The following MRPS28 variants were observed in gnomAD, a reference collection of about 807,000 sequenced individuals.
The protein encoded by MRPS28 is small ribosomal subunit protein bS1m.
MRPS28 carries 7 observed loss-of-function variants against 10.8 expected under a neutral mutation model. The ratio of observed to expected loss-of-function variants is 0.65; its 90% CI spans 0.37 to 1.22. MRPS28 has a LOEUF of 1.22. Among genes scored for constraint, MRPS28 ranks in the 50% most tolerant of loss-of-function variants. The pLI, the probability that MRPS28 is intolerant of heterozygous loss-of-function variation, is 0.02. For synonymous variants in MRPS28, 121 were observed against 93.3 expected (o/e 1.30, Z -1.71); for missense variants, 265 against 232.9 (o/e 1.14, Z -0.90).
intron 1 of MRPS28, among the ~76,000 whole-genome samples, chr8:80,003,999 T>G (rs1808747217): frequency 6.6e-6 from 1 of 152,154 alleles, no homozygotes; most frequent in Admixed American, 6.5e-5. Context: ...AAGCTCCAAC[T>G]GGGTGGAGCC....
At chr8:80,015,791 GA>G (rs952736175) in intron 1 of MRPS28, among the ~76,000 whole-genome samples, 38 of 152,282 alleles carry the variant, frequency 2.5e-4, no homozygotes, top group African/African-American at 7.9e-4. Flanking sequence ...TCTAACGGAA[GA>G]AATAAGATGT....
intron 2 of MRPS28, among the ~76,000 whole-genome samples, chr8:80,000,855 T>C (rs1033031565): frequency 5.3e-5 from 8 of 152,192 alleles, no homozygotes; most frequent in African/African-American, 1.9e-4. Flanking sequence ...ATTCTAGATC[T>C]CTAAGGCATT....
intron 1 of MRPS28, among the ~76,000 whole-genome samples, chr8:80,015,460 G>A (rs890581288): frequency 2.0e-5 from 3 of 152,142 alleles, no homozygotes; most frequent in African/African-American, 7.2e-5. Context: ...CCAAAAGAGA[G>A]GGAAACACTG....
intron 2 of MRPS28, among the ~76,000 whole-genome samples, chr8:79,935,548 TGTAA>T (rs1172048314): frequency 6.6e-6 from 1 of 152,298 alleles, no homozygotes; most frequent in Non-Finnish European, 1.5e-5. Context: ...TCAGATTTCA[TGTAA>T]GCTTAGATCT....
intron 2 of MRPS28, among the ~76,000 whole-genome samples, chr8:79,970,704 C>G (rs1807610121): frequency 6.6e-6 from 1 of 152,186 alleles, no homozygotes; most frequent in African/African-American, 2.4e-5. Flanking sequence ...GAACAACCTA[C>G]AGTGGGTGGC....
intron 2 of MRPS28, among the ~76,000 whole-genome samples, chr8:79,964,126 A>G (rs955788069): frequency 6.6e-6 from 1 of 152,122 alleles, no homozygotes; most frequent in African/African-American, 2.4e-5. Context: ...AGGGAACTTA[A>G]GTAATGTAGG....
chr8:79,979,915 C>CAAAAAAAAA lies in MRPS28; in HGVS notation c.395+23075_395+23083dup, dbSNP rs61633169. Among the ~76,000 whole-genome samples, 5 of 31,358 alleles carry CAAAAAAAAA rather than the reference C, an allele frequency of 1.6e-4. 1 individual carries two copies. The highest frequency in any genetic ancestry group is 2.5e-4 in the Non-Finnish European group (4 of 16,140). The allele number at this position is 31,358 out of a possible 152,430, so 20.6% of individuals were successfully genotyped here. A position where few individuals can be genotyped will look rare whatever the true frequency, so the allele number is the denominator to read the frequency against. ...GCCACTAACATTCAGGATTCTCACG[C>CAAAAAAAAA]AAAAAAAAAAAAAAAAAAAAAAAAA... On this transcript the variant is annotated intron_variant, in intron 2 of 2. Transcript: ENST00000276585.
At chr8:80,026,999 T>C (rs1398281700) in intron 1 of MRPS28, among the ~76,000 whole-genome samples, 1 of 152,214 alleles carries the variant, frequency 6.6e-6, no homozygotes, top group Non-Finnish European at 1.5e-5. Context: ...CCTCCTGTGC[T>C]GACACACACA....
At chr8:79,931,073 T>C (rs1563519097) in intron 2 of MRPS28, among the ~76,000 whole-genome samples, 1 of 152,176 alleles carries the variant, frequency 6.6e-6, no homozygotes, top group Admixed American at 6.5e-5. Context: ...TTCAAAAAAA[T>C]AGTGTTAGGC....
At chr8:80,000,752 T>C (rs1045404788) in intron 2 of MRPS28, among the ~76,000 whole-genome samples, 2 of 152,156 alleles carry the variant, frequency 1.3e-5, no homozygotes, top group Non-Finnish European at 2.9e-5. Flanking sequence ...AAGCCAAGCA[T>C]GGTGGTACAT....
chr8:79,920,705 T>C (rs1236002694), intron 2 of MRPS28, among the ~76,000 whole-genome samples: 1 of 152,068 alleles, frequency 6.6e-6, no homozygotes, highest in Non-Finnish European at 1.5e-5. Context: ...GTCAGAGGAG[T>C]AGATTGCAAA....
intron 2 of MRPS28, among the ~76,000 whole-genome samples, chr8:80,002,010 G>C (rs1808671127): frequency 6.6e-6 from 1 of 151,852 alleles, no homozygotes; most frequent in South Asian, 2.1e-4. Flanking sequence ...TTAATCTGAG[G>C]AAATGTGTAT....
chr8:79,972,705 G>A (rs1354747969), intron 2 of MRPS28, among the ~76,000 whole-genome samples: 3 of 152,094 alleles, frequency 2.0e-5, no homozygotes, highest in Admixed American at 6.6e-5. Flanking sequence ...ATTGACACAC[G>A]TTTTTTAAAA....
At chr8:80,007,082 T>C (rs906774151) in intron 1 of MRPS28, among the ~76,000 whole-genome samples, 3 of 152,190 alleles carry the variant, frequency 2.0e-5, no homozygotes, top group African/African-American at 7.2e-5. Context: ...CATGATCAAG[T>C]AGGCTTCATT....
At chr8:80,016,750 A>G (rs1300400472) in intron 1 of MRPS28, among the ~76,000 whole-genome samples, 4 of 152,242 alleles carry the variant, frequency 2.6e-5, no homozygotes, top group Non-Finnish European at 5.9e-5. Flanking sequence ...AATTATCTGA[A>G]GAAGTCGGAA....
chr8:80,001,215 A>AGAT (rs1808652785), intron 2 of MRPS28, among the ~76,000 whole-genome samples: 1 of 152,252 alleles, frequency 6.6e-6, no homozygotes, highest in Non-Finnish European at 1.5e-5. Flanking sequence ...CATCCATGGT[A>AGAT]GATGATCAAT....
intron 2 of MRPS28, among the ~76,000 whole-genome samples, chr8:79,923,020 T>C (rs921890059): frequency 2.6e-5 from 4 of 151,826 alleles, no homozygotes; most frequent in Non-Finnish European, 5.9e-5. Flanking sequence ...GCTATTCAGC[T>C]TTTTTTTGAG....
intron 1 of MRPS28, among the ~76,000 whole-genome samples, chr8:80,003,673 G>A (rs978698424): frequency 6.6e-5 from 10 of 152,160 alleles, no homozygotes; most frequent in Admixed American, 2.0e-4. Context: ...GCAGCCCACC[G>A]AGTGTGAGCC....
intron 2 of MRPS28, among the ~76,000 whole-genome samples, chr8:79,980,259 C>T (rs1807920112): frequency 6.6e-6 from 1 of 152,126 alleles, no homozygotes; most frequent in South Asian, 2.1e-4. Context: ...AAGCAACTTG[C>T]CTAAGATCAC....
Sources: allele counts gnomAD v4.1 joint callset (sites outside exome capture counted in the v4.1 genomes callset), GRCh38; gene constraint gnomAD v4.1.1; transcripts MANE v1.5; gene names NCBI Gene and HGNC (gene_info 2026-07-23, HGNC 2026-07-21).